The following FNBP4 variants were observed in gnomAD, a reference collection of about 807,000 sequenced individuals.
FNBP4 encodes the protein formin-binding protein 4.
FNBP4 carries 34 observed loss-of-function variants against 119.3 expected under a neutral mutation model. The ratio of observed to expected loss-of-function variants is 0.28; its 90% CI spans 0.22 to 0.38. The LOEUF is 0.38. Ranked by LOEUF, FNBP4 falls within the 10% of genes least tolerant of loss-of-function variation. FNBP4 has a pLI of 1.00. For synonymous variants in FNBP4, 462 were observed against 430.6 expected, an observed-to-expected ratio of 1.07 and a Z score of -0.90; for missense variants, 1,112 against 1,228.9, an observed-to-expected ratio of 0.90 and a Z score of 1.42.
intron 12 of FNBP4, chr11:47,729,345 T>C (rs1434865679): frequency 1.0e-6 from 1 of 985,442 alleles, no homozygotes; most frequent in Non-Finnish European, 1.2e-6. Context: ...ATAAAAGATA[T>C]GTTGGATATC....
chr11:47,736,892 C>G, intron 8 of FNBP4, 152 bp from the exon 9 acceptor site: 1 of 762,708 alleles, frequency 1.3e-6, no homozygotes, highest in Non-Finnish European at 2.0e-6. Flanking sequence ...AACATGTCAG[C>G]CTACTGTCTA....
chr11:47,724,104 A>G lies in FNBP4; in HGVS notation c.2388T>C (p.Ile796=), dbSNP rs2097558525. 6.2e-7 allele frequency: 1 copy of G among 1,614,118 alleles called. No homozygotes were observed. Among genetic ancestry groups the G allele is most frequent in the South Asian group, 1.1e-5 (1 of 91,090 alleles). ...CTGACCTCTGAACCACTGCAGTGCTAATTTCTGTAGCTTTCCTCTTTATTC... is the reference window on the plus strand; with the variant it reads ...CTGACCTCTGAACCACTGCAGTGCTGATTTCTGTAGCTTTCCTCTTTATTC... ...TKGIKRKATE[I]STAVVQRSAT... is the part of the protein sequence containing the mutation. Residue 796 remains isoleucine (I), a synonymous_variant, in exon 14 of 17, where the codon ATT becomes ATC. Coordinates refer to ENST00000263773, the MANE Select transcript of FNBP4 (RefSeq NM_015308.5).
intron 6 of FNBP4, among the ~76,000 whole-genome samples, chr11:47,747,881 G>C (rs1429503700): frequency 6.6e-6 from 1 of 152,024 alleles, no homozygotes; most frequent in Non-Finnish European, 1.5e-5. Flanking sequence ...CTGGGAGGCA[G>C]AGGTTGCAGT....
chr11:47,717,978 C>T (rs1400751121), intron 16 of FNBP4, among the ~76,000 whole-genome samples: 4 of 151,620 alleles, frequency 2.6e-5, no homozygotes, highest in African/African-American at 7.3e-5. Context: ...TGGTCTCGAA[C>T]TCCCAACCTC....
In FNBP4 at chr11:47,751,028, G is replaced by A; in HGVS notation, c.794C>T (p.Pro265Leu). ...GLQHYQPSSVPGAETSFVVNT... is the reference protein window; with the variant it reads ...GLQHYQPSSVLGAETSFVVNT... ...TACCACAAAACTAGTTTCAGCACCT[G>A]GCACAGAACTAAAAAAATATATACT... The change falls in exon 6 of 17, where the codon CCA (proline) becomes CTA (leucine). Residue 265 changes from proline to leucine, a missense_variant. Transcript: ENST00000263773. The A allele has an allele frequency of 6.2e-7, 1 of 1,613,322 alleles. No individual in the cohort carries two copies. Among genetic ancestry groups the A allele is most frequent in the Admixed American group, 1.7e-5 (1 of 59,724 alleles).
At chr11:47,730,989 A>C (rs2097566726) in intron 12 of FNBP4, among the ~76,000 whole-genome samples, 1 of 152,206 alleles carries the variant, frequency 6.6e-6, no homozygotes, top group South Asian at 2.1e-4. Flanking sequence ...ATATGAACAG[A>C]CTAAGTGTTG....
rs1179974778 is a variant in FNBP4 at position 47,742,998 on chromosome 11, T to TC, written c.1456+954dup. On this transcript the variant is annotated intron_variant, in intron 8 of 16. Coordinates refer to ENST00000263773, the MANE Select transcript of FNBP4 (RefSeq NM_015308.5). ...TGTTTGGTTCTTTGTTTCTTTTTTT[T>TC]CTTTTATCAAGAAACAAGGGTCTTG... 5.3e-5 allele frequency among the ~76,000 whole-genome samples: 8 copies of TC among 152,276 alleles called. No homozygotes were observed. The South Asian group carries it at 1.0e-3, about 20-fold the overall frequency.
intron 1 of FNBP4, 49 bp from the exon 2 acceptor site, chr11:47,765,411 AAAG>A (rs748368329): frequency 6.7e-6 from 9 of 1,348,702 alleles, no homozygotes; most frequent in South Asian, 2.5e-5. Context: ...AAAGAAAAGA[AAAG>A]AAAACTGCAG....
Position 47,732,280 on chromosome 11 carries a change from A to G in FNBP4, c.1820+257T>C. On this transcript the variant is annotated intron_variant, in intron 11 of 16. Coordinates refer to ENST00000263773, the MANE Select transcript of FNBP4 (RefSeq NM_015308.5). This position sits in a 1 kb window ranked among gnomAD's most constrained non-coding sequence, Gnocchi z 4.2. ...CCCCAAGCCCGCCCTACTCCGTGCA[A>G]CACTCTGGAGAGTAAAAACCAGCTT... The G allele has an allele frequency of 7.5e-7, 1 of 1,327,672 alleles. No individual in the cohort carries two copies. The allele number at this position is 1,327,672 out of a possible 1,614,324, so 82.2% of individuals were successfully genotyped here. A position where few individuals can be genotyped will look rare whatever the true frequency, so the allele number is the denominator to read the frequency against.
chr11:47,751,000 A>G lies in FNBP4; in HGVS notation c.822T>C (p.Asn274=), dbSNP rs1316514852. Residue 274 remains asparagine (N), a synonymous_variant, in exon 6 of 17, where the codon AAT becomes AAC. Transcript: ENST00000263773. ...VPGAETSFVV[N]TDIYSKEKTI... ...TTTTCTCCTTAGAATATATGTCTGTATTTACCACAAAACTAGTTTCAGCAC... is the reference window on the plus strand; with the variant it reads ...TTTTCTCCTTAGAATATATGTCTGTGTTTACCACAAAACTAGTTTCAGCAC... 2 of 1,613,942 alleles carry G rather than the reference A, an allele frequency of 1.2e-6. No individual in the cohort carries two copies. The highest frequency in any genetic ancestry group is 1.3e-5 in the African/African-American group (1 of 74,920).
rs1163824439 is a variant in FNBP4 at position 47,754,623 on chromosome 11, C to A, written c.355G>T (p.Asp119Tyr). The part of the protein sequence containing the change: ...LLGAYADSDD[D>Y]DNDVSEKLAQ... The stretch of plus-strand genomic sequence containing the variant: ...AGTTTTTCGGAAACATCATTGTCAT[C>A]GTCATCACTGTCAGCATAAGCACCA... The change falls in exon 3 of 17, where the codon GAT becomes TAT. Residue 119 changes from aspartate (D) to tyrosine (Y), a missense_variant. Asp to Tyr is a radical substitution (Grantham distance 160). This residue lies in a region of FNBP4 where 286 missense variants were observed against 240.1 expected (regional missense o/e 1.19). Coordinates refer to ENST00000263773, the MANE Select transcript of FNBP4 (RefSeq NM_015308.5). The A allele has an allele frequency of 6.2e-7, 1 of 1,614,102 alleles. No individual in the cohort carries two copies. The highest frequency in any genetic ancestry group is 1.7e-5 in the Admixed American group (1 of 59,988).
intron 8 of FNBP4, among the ~76,000 whole-genome samples, chr11:47,740,079 C>G (rs1197141551): frequency 6.6e-6 from 1 of 151,816 alleles, no homozygotes; most frequent in Non-Finnish European, 1.5e-5. Flanking sequence ...GGATTATAGG[C>G]GTGAGCCAGG....
At chr11:47,763,521 G>A (rs1197779686) in intron 2 of FNBP4, among the ~76,000 whole-genome samples, 1 of 148,234 alleles carries the variant, frequency 6.7e-6, no homozygotes, top group Admixed American at 6.8e-5. Context: ...TTTGTTTTGA[G>A]ACGGAGTCTT....
At chr11:47,729,465 A>C in intron 12 of FNBP4, 1 of 985,360 alleles carries the variant, frequency 1.0e-6, no homozygotes, top group Non-Finnish European at 1.2e-6. Context: ...AATAAATAGA[A>C]CTTTGAAACT....
rs1311148900 is a variant in FNBP4 at position 47,732,248 on chromosome 11, G to A, written c.1820+289C>T. ...TAAAGCGCACAGAGCTCTCGCATGC[G>A]CTTAACCCCCAAGCCCGCCCTACTC... is the stretch of plus-strand genomic sequence containing the variant. On this transcript the variant is annotated intron_variant, in intron 11 of 16. Coordinates refer to ENST00000263773, the MANE Select transcript of FNBP4 (RefSeq NM_015308.5). The surrounding 1 kb of genome is among the most constrained non-coding windows in gnomAD (Gnocchi z 4.2). The A allele has an allele frequency of 3.3e-6, 4 of 1,211,572 alleles. No individual in the cohort carries two copies. The highest frequency in any genetic ancestry group is 2.4e-5 in the South Asian group (1 of 41,830). 75.1% of individuals were successfully genotyped at this position (1,211,572 alleles called of 1,614,324 possible). A position where few individuals can be genotyped will look rare whatever the true frequency, so the allele number is the denominator to read the frequency against.
chr11:47,718,034 T>C (rs531870466), intron 16 of FNBP4, among the ~76,000 whole-genome samples: 371 of 151,930 alleles, frequency 2.4e-3, no homozygotes, highest in Middle Eastern at 0.014. Context: ...GGATTACAGG[T>C]GTGAGCCACC....
At chr11:47,756,450 T>A (rs1269266525) in intron 2 of FNBP4, among the ~76,000 whole-genome samples, 1 of 152,182 alleles carries the variant, frequency 6.6e-6, no homozygotes, top group Admixed American at 6.6e-5. Flanking sequence ...AAAGTAAACA[T>A]AAATTGTTCC....
intron 4 of FNBP4, chr11:47,752,675 A>T (rs2097606549): frequency 2.6e-6 from 1 of 383,206 alleles, no homozygotes; most frequent in Admixed American, 3.8e-5. Flanking sequence ...TTAGCCAGGC[A>T]TGGCAGTGTG....
intron 2 of FNBP4, among the ~76,000 whole-genome samples, chr11:47,755,484 A>C (rs937680262): frequency 1.3e-5 from 2 of 151,982 alleles, no homozygotes; most frequent in Non-Finnish European, 2.9e-5. Flanking sequence ...AAAATAAAAA[A>C]ACATGTTGAT....
Sources: allele counts gnomAD v4.1 joint callset (sites outside exome capture counted in the v4.1 genomes callset), GRCh38; gene constraint gnomAD v4.1.1; regional missense constraint gnomAD v4.1.1; non-coding constraint Gnocchi (gnomAD v3.1); transcripts MANE v1.5; gene names NCBI Gene and HGNC (gene_info 2026-07-23, HGNC 2026-07-21).